The following MRLN variants were observed in gnomAD, a reference collection of about 807,000 sequenced individuals.
MRLN encodes the protein Linc-RNA activator of myogenesis.
intron 1 of MRLN, among the ~76,000 whole-genome samples, chr10:59,750,062 C>CTTTTT (rs71006289): frequency 5.1e-5 from 3 of 58,822 alleles, no homozygotes; most frequent in African/African-American, 1.4e-4. Context: ...CTCTCTCTCT[C>CTTTTT]TTTTTTTTTT....
intron 1 of MRLN, among the ~76,000 whole-genome samples, chr10:59,743,178 G>C (rs926296200): frequency 5.9e-5 from 9 of 152,120 alleles, no homozygotes; most frequent in African/African-American, 2.2e-4. Context: ...TTTTCCCTCT[G>C]CTGTTTCCAT....
At chr10:59,752,701 T>C (rs2070171535) in intron 1 of MRLN, among the ~76,000 whole-genome samples, 1 of 152,230 alleles carries the variant, frequency 6.6e-6, no homozygotes, top group South Asian at 2.1e-4. Context: ...AAGCGGGGCA[T>C]TGGCCTTTCT....
chr10:59,737,575 A>T (rs895418986), intron 2 of MRLN, among the ~76,000 whole-genome samples: 3 of 148,092 alleles, frequency 2.0e-5, no homozygotes, highest in African/African-American at 7.5e-5. Flanking sequence ...TGAAGCTGCT[A>T]TTCCTCTAAC....
At chr10:59,749,320 G>T (rs527648349) in intron 1 of MRLN, among the ~76,000 whole-genome samples, 70 of 152,332 alleles carry the variant, frequency 4.6e-4, no homozygotes, top group African/African-American at 1.6e-3. Context: ...ACTAAGAGGT[G>T]ACCAAGGATT....
intron 1 of MRLN, among the ~76,000 whole-genome samples, chr10:59,750,804 G>A (rs918968425): frequency 6.6e-6 from 1 of 152,256 alleles, no homozygotes; most frequent in African/African-American, 2.4e-5. Context: ...CCCCAACGCA[G>A]CGGTGCCAGC....
At chr10:59,752,808 G>T (rs1042822369) in intron 1 of MRLN, among the ~76,000 whole-genome samples, 52 of 94,008 alleles carry the variant, frequency 5.5e-4, no homozygotes, top group African/African-American at 2.6e-3. Flanking sequence ...CAAAGACAAA[G>T]AAAGCCTCTG....
intron 1 of MRLN, among the ~76,000 whole-genome samples, chr10:59,751,601 T>C (rs867327367): frequency 3.0e-5 from 4 of 134,490 alleles, no homozygotes; most frequent in African/African-American, 1.1e-4. Flanking sequence ...GCCTGGGAGG[T>C]GGAGATTGCA....
rs147850557 is a variant in MRLN, at chr10:59,748,893, A to T, written c.-125+4461T>A. 1.2e-4 allele frequency among the ~76,000 whole-genome samples: 18 copies of T among 152,340 alleles called. 1 individual carries two copies. The highest frequency in any genetic ancestry group is 4.3e-4 in the African/African-American group (18 of 41,574). On this transcript the variant is annotated intron_variant, in intron 1 of 2. Coordinates refer to ENST00000414264, the MANE Select transcript of MRLN (RefSeq NM_001304731.2). ...AGATCAAAGCAAATCACAAGTGAAA[A>T]GTAGAAAATGTGGCAGGTCAGGGCC...
chr10:59,739,830 A>G (rs970440224), intron 1 of MRLN: 1 of 152,374 alleles, frequency 6.6e-6, no homozygotes, highest in South Asian at 2.1e-4. Context: ...ACAGTGGCTC[A>G]CGCCTGTAAT....
chr10:59,739,284 C>T (rs962068376), intron 1 of MRLN: 2 of 152,122 alleles, frequency 1.3e-5, no homozygotes, highest in Non-Finnish European at 2.9e-5. Context: ...GTACAGTCAT[C>T]CCTCAGTACC....
chr10:59,738,987 G>A (rs1019828490), intron 1 of MRLN: 5 of 152,180 alleles, frequency 3.3e-5, no homozygotes, highest in African/African-American at 1.2e-4. Context: ...GCCGGGCATG[G>A]TGGTGCTCAC....
chr10:59,750,369 C>G lies in MRLN; in HGVS notation c.-125+2985G>C, dbSNP rs183832836. Among the ~76,000 whole-genome samples the G allele has an allele frequency of 5.3e-5, 8 of 152,314 alleles. No individual in the cohort carries two copies. The East Asian group carries it at 1.4e-3, about 26-fold the overall frequency. On this transcript the variant is annotated intron_variant, in intron 1 of 2. Transcript: ENST00000414264. ...TACAGGCATGAGCCATCACGCCCAGCCCACTTGCTTTCTTTTTAGGTCAAC... is the reference window on the plus strand; with the variant it reads ...TACAGGCATGAGCCATCACGCCCAGGCCACTTGCTTTCTTTTTAGGTCAAC...
At chr10:59,741,867 G>A (rs753094553) in intron 1 of MRLN, among the ~76,000 whole-genome samples, 5 of 151,918 alleles carry the variant, frequency 3.3e-5, no homozygotes, top group Non-Finnish European at 5.9e-5. Context: ...TTGTAGAGAC[G>A]GAGTCCTGCT....
At chr10:59,752,641 G>GTCTTGAA (rs1380579880) in intron 1 of MRLN, among the ~76,000 whole-genome samples, 1 of 152,200 alleles carries the variant, frequency 6.6e-6, no homozygotes, top group Admixed American at 6.5e-5. Context: ...TTAGTCTGTG[G>GTCTTGAA]TCTTGAAGAA....
chr10:59,748,752 T>A (rs372955941), intron 1 of MRLN, among the ~76,000 whole-genome samples: 1 of 152,208 alleles, frequency 6.6e-6, no homozygotes, highest in Non-Finnish European at 1.5e-5. Context: ...CTCAGCAATT[T>A]TCTGACATTT....
chr10:59,751,865 A>G, intron 1 of MRLN, among the ~76,000 whole-genome samples: 1 of 152,156 alleles, frequency 6.6e-6, no homozygotes, highest in East Asian at 1.9e-4. Flanking sequence ...TTACAGAGCA[A>G]CACTTTGGAA....
chr10:59,749,308 G>A (rs932052846), intron 1 of MRLN, among the ~76,000 whole-genome samples: 8 of 152,254 alleles, frequency 5.3e-5, no homozygotes, highest in African/African-American at 2.4e-5. Context: ...CGTTACACAC[G>A]TACTAAGAGG....
At chr10:59,739,542 T>C (rs1369198039) in intron 1 of MRLN, 1 of 152,176 alleles carries the variant, frequency 6.6e-6, no homozygotes, top group South Asian at 2.1e-4. Context: ...ACATATGCAA[T>C]AGAGATACAT....
At chr10:59,744,459 C>T (rs1021629419) in intron 1 of MRLN, among the ~76,000 whole-genome samples, 3 of 150,920 alleles carry the variant, frequency 2.0e-5, no homozygotes, top group Admixed American at 6.6e-5. Flanking sequence ...GGAGCAGCCG[C>T]GCCCGGCCAG....
Sources: allele counts gnomAD v4.1 joint callset (sites outside exome capture counted in the v4.1 genomes callset), GRCh38; gene constraint gnomAD v4.1.1; transcripts MANE v1.5; gene names NCBI Gene and HGNC (gene_info 2026-07-23, HGNC 2026-07-21).